Variants in SAMMSON observed in about 807,000 individuals in gnomAD.
SAMMSON encodes long intergenic non-protein coding RNA 1212.
intron 6 of SAMMSON, among the ~76,000 whole-genome samples, chr3:70,277,899 G>A (rs1702042778): frequency 2.0e-5 from 3 of 152,162 alleles, no homozygotes; most frequent in Admixed American, 2.0e-4. Context: ...AGAGGAAGAT[G>A]ATTGAGACCC....
chr3:70,372,281 T>C (rs1188421690), intron 9 of SAMMSON, among the ~76,000 whole-genome samples: 1 of 151,872 alleles, frequency 6.6e-6, no homozygotes, highest in Non-Finnish European at 1.5e-5. Context: ...TGGTTTTGTT[T>C]TATTTTATTT....
At chr3:70,057,102 A>G (rs1405880572) in intron 3 of SAMMSON, among the ~76,000 whole-genome samples, 6 of 151,952 alleles carry the variant, frequency 3.9e-5, no homozygotes, top group African/African-American at 1.4e-4. Context: ...GTTTCTTAAT[A>G]CTCCTACTAA....
At chr3:70,342,101 A>C (rs1702715665) in intron 7 of SAMMSON, among the ~76,000 whole-genome samples, 1 of 152,232 alleles carries the variant, frequency 6.6e-6, no homozygotes, top group Non-Finnish European at 1.5e-5. Context: ...CGTAGTCTGA[A>C]TATAGCTTTT....
chr3:70,356,360 A>G (rs779750137), intron 8 of SAMMSON, among the ~76,000 whole-genome samples: 1 of 152,164 alleles, frequency 6.6e-6, no homozygotes, highest in African/African-American at 2.4e-5. Context: ...CTGTGCCTAC[A>G]AAACAAAACC....
At chr3:70,030,962 A>G (rs2067063465) in intron 3 of SAMMSON, among the ~76,000 whole-genome samples, 1 of 152,188 alleles carries the variant, frequency 6.6e-6, no homozygotes, top group Admixed American at 6.5e-5. Flanking sequence ...GTAAAATTGT[A>G]CAGGTGCTGT....
chr3:70,102,366 A>C (rs930725755), intron 4 of SAMMSON, among the ~76,000 whole-genome samples: 1 of 152,222 alleles, frequency 6.6e-6, no homozygotes, highest in African/African-American at 2.4e-5. Flanking sequence ...ATTTGGCATC[A>C]AAAAACTGTT....
At chr3:70,101,231 C>A (rs1299178455) in intron 4 of SAMMSON, among the ~76,000 whole-genome samples, 1 of 152,070 alleles carries the variant, frequency 6.6e-6, no homozygotes, top group Non-Finnish European at 1.5e-5. Context: ...GTAGTGCTAT[C>A]CAGTGTTGTT....
chr3:70,326,251 A>C (rs1468204116), intron 7 of SAMMSON, among the ~76,000 whole-genome samples: 1 of 152,034 alleles, frequency 6.6e-6, no homozygotes, highest in East Asian at 1.9e-4. Context: ...TTCTTAATAT[A>C]GGCTGCAAAT....
At chr3:70,242,993 G>A (rs1181968494) in intron 4 of SAMMSON, among the ~76,000 whole-genome samples, 1 of 152,188 alleles carries the variant, frequency 6.6e-6, no homozygotes, top group African/African-American at 2.4e-5. Flanking sequence ...AATTTCCCAA[G>A]AGCAGAACGA....
Position 70,241,928 on chromosome 3 carries a change from C to A in SAMMSON, n.508-7179C>A, listed in dbSNP as rs554479108. On this transcript the variant is annotated intron_variant and non_coding_transcript_variant, in intron 4 of 9. Transcript: ENST00000642114. ...TCCAATAACCTGTGCTCAAAAGTTTCATTCTAAACTGTATAATAACATTTG... is the reference window on the plus strand; with the variant it reads ...TCCAATAACCTGTGCTCAAAAGTTTAATTCTAAACTGTATAATAACATTTG... Among the ~76,000 whole-genome samples, 4 of 152,304 alleles carry A rather than the reference C, an allele frequency of 2.6e-5. No individual in the cohort carries two copies. In the South Asian group the frequency reaches 8.3e-4, roughly 32 times the overall value.
chr3:70,283,268 T>A (rs1702106763), intron 6 of SAMMSON, among the ~76,000 whole-genome samples: 1 of 152,052 alleles, frequency 6.6e-6, no homozygotes, highest in South Asian at 2.1e-4. Flanking sequence ...TGCAGTCCTC[T>A]GATTGATTGC....
rs2066913692 is a variant in SAMMSON at position 70,003,380 on chromosome 3, A to G, written n.22+3513A>G. Among the ~76,000 whole-genome samples, 2 of 152,084 alleles carry G rather than the reference A, an allele frequency of 1.3e-5. 1 individual carries two copies. Among genetic ancestry groups the G allele is most frequent in the African/African-American group, 4.8e-5 (2 of 41,562 alleles). ...AGAGTGTCTCCTATCTATCTAGCCT[A>G]TCCCCTCTTCTTTTTCTTTTCTCTT... On this transcript the variant is annotated intron_variant and non_coding_transcript_variant, in intron 1 of 9. Transcript: ENST00000642114.
At chr3:70,290,168 G>T (rs1020214678) in intron 6 of SAMMSON, among the ~76,000 whole-genome samples, 5 of 152,124 alleles carry the variant, frequency 3.3e-5, no homozygotes, top group African/African-American at 1.2e-4. Context: ...TTTCTGTTCT[G>T]TTTTTTCCCC....
intron 7 of SAMMSON, among the ~76,000 whole-genome samples, chr3:70,317,780 C>T (rs1702505521): frequency 6.6e-6 from 1 of 151,770 alleles, no homozygotes; most frequent in Non-Finnish European, 1.5e-5. Flanking sequence ...ATTTTCATCT[C>T]ATATCATTCC....
At chr3:70,013,543 A>G (rs1030498239) in exon 3 of SAMMSON, 3 of 152,156 alleles carry the variant, frequency 2.0e-5, no homozygotes, top group Non-Finnish European at 4.4e-5. Context: ...AAAGTCTCAG[A>G]AAGGCACTGT....
intron 7 of SAMMSON, among the ~76,000 whole-genome samples, chr3:70,340,307 G>A (rs1702702149): frequency 1.3e-5 from 2 of 150,740 alleles, no homozygotes; most frequent in Non-Finnish European, 3.0e-5. Context: ...TGAGTTAATG[G>A]GTGCAGCACA....
At chr3:70,176,939 A>G (rs1701013978) in intron 4 of SAMMSON, among the ~76,000 whole-genome samples, 1 of 152,216 alleles carries the variant, frequency 6.6e-6, no homozygotes, top group African/African-American at 2.4e-5. Context: ...TATCACAGGT[A>G]TCTAGAATTC....
In SAMMSON at chr3:70,242,288, T is replaced by C. The variant is rs1326744972; in HGVS notation, n.508-6819T>C. On this transcript the variant is annotated intron_variant and non_coding_transcript_variant, in intron 4 of 9. Transcript: ENST00000642114. ...CAAGTTGGCTCTGATAACATCTCTT[T>C]GGAAATGGTGGGAAAAACACATAGT... 2.0e-5 allele frequency among the ~76,000 whole-genome samples: 3 copies of C among 152,204 alleles called. No homozygotes were observed. The East Asian group carries it at 5.8e-4, about 29-fold the overall frequency.
chr3:70,092,629 G>T (rs2067308857), intron 4 of SAMMSON, among the ~76,000 whole-genome samples: 2 of 151,796 alleles, frequency 1.3e-5, no homozygotes. Flanking sequence ...CCCAAGCTGG[G>T]GCCCTGCATA....
Sources: allele counts gnomAD v4.1 joint callset (sites outside exome capture counted in the v4.1 genomes callset), GRCh38; gene constraint gnomAD v4.1.1; transcripts MANE v1.5; gene names NCBI Gene and HGNC (gene_info 2026-07-23, HGNC 2026-07-21).